Variants in ZNF385D observed in about 807,000 individuals in gnomAD.
ZNF385D encodes zinc finger protein 385D.
ZNF385D carries 15 observed loss-of-function variants against 35.8 expected under a neutral mutation model. That is an observed-to-expected ratio of 0.42 (90% CI 0.28 to 0.64). ZNF385D has a LOEUF of 0.64. ZNF385D is among the 30% of genes least tolerant of loss of function. The pLI is 0.23. For missense variants in ZNF385D, 474 were observed against 494.6 expected (o/e 0.96, Z 0.39); for synonymous variants, 212 against 186.8 (o/e 1.13, Z -1.10).
At chr3:22,244,417 AAAAT>A (rs1204027163) in intron 2 of ZNF385D, among the ~76,000 whole-genome samples, 1 of 150,130 alleles carries the variant, frequency 6.7e-6, no homozygotes, top group Admixed American at 6.7e-5. Context: ...GCAGAAAAGT[AAAAT>A]AAATATCAAG....
chr3:22,154,959 G>C (rs974284785), intron 3 of ZNF385D, among the ~76,000 whole-genome samples: 1 of 152,138 alleles, frequency 6.6e-6, no homozygotes, highest in Non-Finnish European at 1.5e-5. Context: ...TGATATACAA[G>C]ATTTGGTGGT....
At chr3:22,015,919 C>T (rs775402041) in intron 3 of ZNF385D, among the ~76,000 whole-genome samples, 7 of 152,056 alleles carry the variant, frequency 4.6e-5, no homozygotes, top group Non-Finnish European at 7.4e-5. Context: ...AAAAAGACAT[C>T]TTTTTTCTGT....
At chr3:21,441,554 A>T in intron 4 of ZNF385D, 2 of 236,080 alleles carry the variant, frequency 8.5e-6, no homozygotes, top group Middle Eastern at 2.2e-3. Context: ...ACATTTGACT[A>T]TAAAAGAAAC....
chr3:22,256,210 CATAT>C (rs970939887), intron 2 of ZNF385D, among the ~76,000 whole-genome samples: 1 of 138,122 alleles, frequency 7.2e-6, no homozygotes, highest in African/African-American at 3.0e-5. Context: ...TACATATATA[CATAT>C]ATATACACAC....
intron 3 of ZNF385D, among the ~76,000 whole-genome samples, chr3:21,885,606 G>C (rs1206962433): frequency 6.6e-6 from 1 of 151,890 alleles, no homozygotes; most frequent in South Asian, 2.1e-4. Context: ...TAAGACATTT[G>C]CAATGAAAAG....
At chr3:22,185,698 C>T (rs953392058) in intron 2 of ZNF385D, among the ~76,000 whole-genome samples, 2 of 152,160 alleles carry the variant, frequency 1.3e-5, no homozygotes, top group Admixed American at 1.3e-4. Flanking sequence ...GAACTCCTAA[C>T]GTCATGATCC....
At chr3:21,822,485 T>A (rs377447220) in intron 3 of ZNF385D, among the ~76,000 whole-genome samples, 20 of 152,228 alleles carry the variant, frequency 1.3e-4, no homozygotes, top group African/African-American at 4.6e-4. Context: ...CTGGTGGACA[T>A]GTAAAATCGT....
chr3:21,638,734 A>G (rs1342798746), intron 2 of ZNF385D, among the ~76,000 whole-genome samples: 1 of 152,170 alleles, frequency 6.6e-6, no homozygotes, highest in African/African-American at 2.4e-5. Context: ...TTTTGTACAT[A>G]GAAAGCTACT....
At chr3:22,096,088 G>C (rs1362087742) in intron 3 of ZNF385D, among the ~76,000 whole-genome samples, 1 of 151,586 alleles carries the variant, frequency 6.6e-6, no homozygotes, top group Non-Finnish European at 1.5e-5. Flanking sequence ...ATGAGATGAA[G>C]ACTAAATTGA....
chr3:21,765,285 A>G (rs1245999810), intron 3 of ZNF385D, among the ~76,000 whole-genome samples: 1 of 151,842 alleles, frequency 6.6e-6, no homozygotes, highest in African/African-American at 2.4e-5. Flanking sequence ...TTTTGCTAGA[A>G]ATAAAAGTAA....
At chr3:21,640,070 C>G (rs2065558083) in intron 2 of ZNF385D, among the ~76,000 whole-genome samples, 1 of 149,350 alleles carries the variant, frequency 6.7e-6, no homozygotes, top group Non-Finnish European at 1.5e-5. Context: ...AGAATGCTTT[C>G]TTTCTTTCTT....
intron 4 of ZNF385D, among the ~76,000 whole-genome samples, chr3:21,485,445 G>A (rs893727769): frequency 3.3e-5 from 5 of 152,118 alleles, no homozygotes; most frequent in Non-Finnish European, 7.3e-5. Flanking sequence ...TGCCCATTAG[G>A]CATCATTGAT....
chr3:21,956,599 A>C (rs559050505), intron 3 of ZNF385D, among the ~76,000 whole-genome samples: 2 of 152,140 alleles, frequency 1.3e-5, no homozygotes, highest in East Asian at 3.9e-4. Context: ...AAAACAATCT[A>C]TATGTCAGAG....
chr3:22,064,442 A>G lies in ZNF385D; in HGVS notation c.325+104375T>C, dbSNP rs181201766. Among the ~76,000 whole-genome samples the G allele has an allele frequency of 1.4e-3, 210 of 151,568 alleles. 2 individuals carry two copies. The highest frequency in any genetic ancestry group is 6.8e-3 in the Admixed American group (104 of 15,268). ...AATTTTATCCCACTTCTGGATATAT[A>G]CCCCAAAAAATTAAAATTAGTAGGC... On this transcript the variant is annotated intron_variant, in intron 3 of 5. Coordinates refer to the ZNF385D transcript ENST00000494108.
chr3:21,991,245 ACTT>A, intron 3 of ZNF385D, among the ~76,000 whole-genome samples: 1 of 152,284 alleles, frequency 6.6e-6, no homozygotes, highest in Non-Finnish European at 1.5e-5. Context: ...AAGCAGTTGT[ACTT>A]CTGGCAAAGA....
intron 1 of ZNF385D, among the ~76,000 whole-genome samples, chr3:21,684,367 T>TTCTC (rs1559516363): frequency 1.7e-4 from 6 of 35,772 alleles, no homozygotes; most frequent in African/African-American, 4.4e-4. Flanking sequence ...ACTGTTCTCC[T>TTCTC]CTCTCTCTCT....
At chr3:22,033,998 T>A (rs1576194840) in intron 3 of ZNF385D, among the ~76,000 whole-genome samples, 1 of 152,194 alleles carries the variant, frequency 6.6e-6, no homozygotes, top group South Asian at 2.1e-4. Context: ...CAGTCCCTTT[T>A]TTAAAACGTA....
chr3:21,463,703 T>A (rs2125320072), intron 4 of ZNF385D, among the ~76,000 whole-genome samples: 1 of 152,290 alleles, frequency 6.6e-6, no homozygotes, highest in Admixed American at 6.5e-5. Context: ...GTGATTACAT[T>A]CCAGCCCAAA....
chr3:22,269,428 T>G (rs1448214144), intron 2 of ZNF385D, among the ~76,000 whole-genome samples: 1 of 151,884 alleles, frequency 6.6e-6, no homozygotes, highest in Non-Finnish European at 1.5e-5. Flanking sequence ...ATTAGAGTAG[T>G]CAGGGTGTTG....
Sources: allele counts gnomAD v4.1 joint callset (sites outside exome capture counted in the v4.1 genomes callset), GRCh38; gene constraint gnomAD v4.1.1; transcripts MANE v1.5; gene names NCBI Gene and HGNC (gene_info 2026-07-23, HGNC 2026-07-21).